CLYBL: variants seen among roughly 807,000 people sequenced by gnomAD.
The protein encoded by CLYBL is citramalyl-CoA lyase, mitochondrial.
In CLYBL, 31 loss-of-function variants were observed where a neutral mutation model predicts 38.9. That is an observed-to-expected ratio of 0.80 (90% confidence interval 0.60 to 1.08). The LOEUF is 1.08. CLYBL is among the 50% of genes least tolerant of loss of function. The pLI, the probability that CLYBL is intolerant of heterozygous loss-of-function variation, is 0.00. For missense variants in CLYBL, 434 were observed against 411.6 expected (o/e 1.05, Z -0.47); for synonymous variants, 171 against 158.6 (o/e 1.08, Z -0.59).
chr13:99,721,304 A>G (rs929642735), intron 1 of CLYBL, among the ~76,000 whole-genome samples: 1 of 151,934 alleles, frequency 6.6e-6, no homozygotes, highest in Non-Finnish European at 1.5e-5. Context: ...TCAGCCTCCC[A>G]AAGTGCTGGG....
At chr13:99,753,471 G>A (rs7994744) in intron 1 of CLYBL, among the ~76,000 whole-genome samples, 1 of 151,986 alleles carries the variant, frequency 6.6e-6, no homozygotes, top group African/African-American at 2.4e-5. Flanking sequence ...CACAGTTAAC[G>A]CCCATGTATG....
intron 2 of CLYBL, among the ~76,000 whole-genome samples, chr13:99,823,058 T>G (rs1387124141): frequency 6.6e-6 from 1 of 152,236 alleles, no homozygotes; most frequent in Non-Finnish European, 1.5e-5. Context: ...GTAAATATTT[T>G]CACAACTGAG....
chr13:99,676,900 C>T (rs1409251007), intron 1 of CLYBL, among the ~76,000 whole-genome samples: 2 of 151,860 alleles, frequency 1.3e-5, no homozygotes, highest in South Asian at 2.1e-4. Flanking sequence ...CCACTGCGCT[C>T]GGCCCATCAT....
At chr13:99,692,648 T>C (rs962958380) in intron 1 of CLYBL, among the ~76,000 whole-genome samples, 2 of 152,188 alleles carry the variant, frequency 1.3e-5, no homozygotes, top group Non-Finnish European at 2.9e-5. Context: ...CTTCACAAAG[T>C]TGTGTAATGA....
intron 2 of CLYBL, among the ~76,000 whole-genome samples, chr13:99,802,820 T>C (rs1317761832): frequency 6.6e-6 from 1 of 152,190 alleles, no homozygotes; most frequent in East Asian, 1.9e-4. Flanking sequence ...TCAGACTCAG[T>C]TATCTTCCTG....
At chr13:99,847,287 G>A (rs1325869568) in intron 2 of CLYBL, among the ~76,000 whole-genome samples, 2 of 152,164 alleles carry the variant, frequency 1.3e-5, no homozygotes. Flanking sequence ...AAAAAGGCAC[G>A]TTTTCATCCT....
chr13:99,761,285 G>A (rs554734157), intron 1 of CLYBL, among the ~76,000 whole-genome samples: 9 of 152,296 alleles, frequency 5.9e-5, no homozygotes, highest in East Asian at 3.9e-4. Flanking sequence ...CCGGGGAGGC[G>A]GAGCTTGCAG....
At chr13:99,906,722 C>A (rs1037936033) in intron 9 of CLYBL, among the ~76,000 whole-genome samples, 4 of 152,140 alleles carry the variant, frequency 2.6e-5, no homozygotes, top group African/African-American at 9.7e-5. Flanking sequence ...CCGTGCCCGG[C>A]CTTGAGTTCT....
At chr13:99,768,192 CTTTTTT>C (rs58499426) in intron 1 of CLYBL, among the ~76,000 whole-genome samples, 5 of 102,672 alleles carry the variant, frequency 4.9e-5, no homozygotes, top group Non-Finnish European at 7.3e-5. Flanking sequence ...TTTTCTTTTT[CTTTTTT>C]TTTTTTTTTT....
chr13:99,639,777 G>A (rs2047068486), intron 1 of CLYBL, among the ~76,000 whole-genome samples: 1 of 152,164 alleles, frequency 6.6e-6, no homozygotes. Context: ...TGTGTCTGTA[G>A]TCCCAGCTAC....
rs115225916 is a variant in CLYBL at position 99,684,560 on chromosome 13, C to A, written c.62+77803C>A. On this transcript the variant is annotated intron_variant, in intron 1 of 8. Transcript: ENST00000339105. ...AGGCAGGTTCTACTAAGACAGGGTT[C>A]TTAGGCTACTACCACTACCTCACCC... is the stretch of plus-strand genomic sequence containing the variant. 4.5e-3 allele frequency among the ~76,000 whole-genome samples: 679 copies of A among 152,282 alleles called. 3 individuals are homozygous for A. Among genetic ancestry groups the A allele is most frequent in the African/African-American group, 0.015 (642 of 41,554 alleles).
chr13:99,704,711 T>C (rs2048119766), intron 1 of CLYBL, among the ~76,000 whole-genome samples: 1 of 152,102 alleles, frequency 6.6e-6, no homozygotes, highest in African/African-American at 2.4e-5. Flanking sequence ...TCAATAAATG[T>C]GTTGTTTAAG....
At chr13:99,899,494 C>T (rs997479751), downstream of CLYBL, among the ~76,000 whole-genome samples, 2 of 151,974 alleles carry the variant, frequency 1.3e-5, no homozygotes, top group South Asian at 2.1e-4. Flanking sequence ...AAGCACCTGG[C>T]ATATGGTGGT....
intron 7 of CLYBL, among the ~76,000 whole-genome samples, chr13:99,889,751 C>T (rs2052440335): frequency 6.6e-6 from 1 of 152,102 alleles, no homozygotes; most frequent in Non-Finnish European, 1.5e-5. Context: ...TTTTCTTTAC[C>T]TCCATCCTAT....
chr13:99,636,706 C>A (rs1276975529), intron 1 of CLYBL, among the ~76,000 whole-genome samples: 4 of 152,052 alleles, frequency 2.6e-5, no homozygotes, highest in African/African-American at 7.2e-5. Context: ...CTTTGTTGTG[C>A]ACAGTATGCC....
At chr13:99,802,517 G>A (rs2050155615) in intron 2 of CLYBL, among the ~76,000 whole-genome samples, 1 of 151,966 alleles carries the variant, frequency 6.6e-6, no homozygotes, top group Non-Finnish European at 1.5e-5. Flanking sequence ...GGAAAGGGGG[G>A]AGCTATAATG....
intron 1 of CLYBL, among the ~76,000 whole-genome samples, chr13:99,693,350 C>G (rs990004877): frequency 4.6e-5 from 7 of 152,158 alleles, no homozygotes; most frequent in Non-Finnish European, 1.0e-4. Context: ...ATGCAACATC[C>G]TCCTTCCCTT....
chr13:99,681,026 C>T (rs1312949017), intron 1 of CLYBL, among the ~76,000 whole-genome samples: 3 of 152,136 alleles, frequency 2.0e-5, no homozygotes, highest in Non-Finnish European at 4.4e-5. Context: ...TTTGGACCAG[C>T]GCCATAACAT....
intron 1 of CLYBL, among the ~76,000 whole-genome samples, chr13:99,632,748 A>G (rs546649969): frequency 2.1e-5 from 3 of 144,478 alleles, no homozygotes; most frequent in South Asian, 2.4e-4. Context: ...CGTCTCAAAA[A>G]AAACAAAACA....
Sources: gnomAD v4.1 joint callset for allele counts (sites outside exome capture counted in the v4.1 genomes callset) on GRCh38, gnomAD v4.1.1 for gene constraint, MANE v1.5 for transcripts, NCBI Gene and HGNC (gene_info 2026-07-23, HGNC 2026-07-21) for gene names.